Variants in EIF4E2 observed in about 807,000 individuals in gnomAD.
The protein encoded by EIF4E2 is eukaryotic translation initiation factor 4E type 2.
Under a neutral mutation model 34.2 loss-of-function variants are expected in EIF4E2, and 13 were observed. That is an observed-to-expected ratio of 0.38 (90% confidence interval 0.25 to 0.60). The LOEUF is 0.60. Ranked by LOEUF, EIF4E2 falls within the 20% of genes least tolerant of loss-of-function variation. The probability of loss-of-function intolerance (pLI) is 0.62; values close to 1 mark genes in which losing one functional copy is unlikely to be tolerated. For missense variants in EIF4E2, 222 were observed against 315.1 expected (o/e 0.70, Z 2.24); for synonymous variants, 100 against 106.6 (o/e 0.94, Z 0.38).
chr2:232,571,794 G>GT, downstream of EIF4E2, among the ~76,000 whole-genome samples: 1 of 152,326 alleles, frequency 6.6e-6, no homozygotes, highest in Middle Eastern at 3.4e-3. Flanking sequence ...GTAGCACCAG[G>GT]TTACCCCAGC....
Position 232,581,195 on chromosome 2 carries a change from G to A in EIF4E2, c.*252G>A, listed in dbSNP as rs1379351452. On this transcript the variant is annotated 3_prime_UTR_variant, in exon 7 of 7. Coordinates refer to the EIF4E2 transcript ENST00000409098. This position sits in a 1 kb window ranked among gnomAD's most constrained non-coding sequence, Gnocchi z 5.2. ...GTTTTTTAATGGGGTTCCATGGGGGGGCGTTCAGCCTTTCTGTTTGCTGTG... is the reference window on the plus strand; with the variant it reads ...GTTTTTTAATGGGGTTCCATGGGGGAGCGTTCAGCCTTTCTGTTTGCTGTG... The A allele has an allele frequency of 1.6e-6, 1 of 606,476 alleles. No homozygotes were observed. The highest frequency in any genetic ancestry group is 3.1e-6 in the Non-Finnish European group (1 of 323,656). The allele number at this position is 606,476 out of a possible 1,614,324, so 37.6% of individuals were successfully genotyped here. A position where few individuals can be genotyped will look rare whatever the true frequency, so the allele number is the denominator to read the frequency against.
In EIF4E2 at chr2:232,566,994, T is replaced by C. The variant is rs150117019; in HGVS notation, c.528+13T>C. ...TGTCCGCTTTCAGGTAAGCCACCCATGAGCCAGGCTGGTTTCTTGTGTTGC... is the reference window on the plus strand; with the variant it reads ...TGTCCGCTTTCAGGTAAGCCACCCACGAGCCAGGCTGGTTTCTTGTGTTGC... On this transcript the variant is annotated intron_variant, in intron 5 of 6. Transcript: ENST00000258416. This position sits in a 1 kb window ranked among gnomAD's most constrained non-coding sequence, Gnocchi z 4.9. The C allele has an allele frequency of 5.2e-4, 834 of 1,588,840 alleles. 7 individuals are homozygous for C. In the African/African-American group the frequency reaches 9.9e-3, roughly 19 times the overall value.
chr2:232,563,953 G>A (rs540961512), intron 3 of EIF4E2, among the ~76,000 whole-genome samples: 19 of 152,310 alleles, frequency 1.2e-4, no homozygotes, highest in African/African-American at 4.3e-4. Flanking sequence ...GGGAGAGTGC[G>A]TATTAACATG....
At chr2:232,556,338 C>G (rs929338471) in intron 1 of EIF4E2, 78 bp from the exon 2 acceptor site, 2 of 1,173,152 alleles carry the variant, frequency 1.7e-6, no homozygotes, top group Non-Finnish European at 2.5e-6. Context: ...CATAGTAGTT[C>G]GTATGACCTG....
At chr2:232,571,606 C>T (rs1383545284), downstream of EIF4E2, among the ~76,000 whole-genome samples, 1 of 152,154 alleles carries the variant, frequency 6.6e-6, no homozygotes, top group Non-Finnish European at 1.5e-5. Context: ...AAAGACTGGC[C>T]CGGCTTCTCT....
chr2:232,572,978 C>T (rs1269791825), downstream of EIF4E2, among the ~76,000 whole-genome samples: 1 of 152,208 alleles, frequency 6.6e-6, no homozygotes, highest in Non-Finnish European at 1.5e-5. Flanking sequence ...ATTGCCAAAG[C>T]ATTGGATTTT....
chr2:232,580,081 A>G (rs1038800938), intron 6 of EIF4E2, among the ~76,000 whole-genome samples: 1 of 121,956 alleles, frequency 8.2e-6, no homozygotes, highest in Non-Finnish European at 1.7e-5. Flanking sequence ...CCCCACATAC[A>G]TACCACACAC....
intron 6 of EIF4E2, among the ~76,000 whole-genome samples, chr2:232,577,665 C>T (rs1022564131): frequency 1.3e-5 from 2 of 152,224 alleles, no homozygotes; most frequent in African/African-American, 2.4e-5. Context: ...GGAAGCCAGT[C>T]TGAATGGGGC....
chr2:232,579,632 A>T (rs987069213), intron 6 of EIF4E2, among the ~76,000 whole-genome samples: 1 of 152,180 alleles, frequency 6.6e-6, no homozygotes, highest in African/African-American at 2.4e-5. Flanking sequence ...TCCTTAGCAC[A>T]TATTTACTCT....
At chr2:232,551,154 G>A (rs1230511081) in intron 1 of EIF4E2, 2 of 529,070 alleles carry the variant, frequency 3.8e-6, no homozygotes, top group Admixed American at 4.5e-5. Context: ...CTGAGCCTCA[G>A]TTTTCTCATC....
chr2:232,569,584 A>G (rs533358969), downstream of EIF4E2, among the ~76,000 whole-genome samples: 53 of 152,288 alleles, frequency 3.5e-4, 1 homozygote, highest in South Asian at 8.9e-3. Flanking sequence ...CCTTTACTTC[A>G]AAGAAATCTC....
Position 232,556,441 on chromosome 2 carries a change from C to A in EIF4E2, c.46C>A (p.His16Asn), listed in dbSNP as rs1484283179. 1 of 1,613,566 alleles carries A rather than the reference C, an allele frequency of 6.2e-7. No individual in the cohort carries two copies. The highest frequency in any genetic ancestry group is 1.3e-5 in the African/African-American group (1 of 74,858). The change falls in exon 2 of 7, where the codon CAT (histidine) becomes AAT (asparagine). Residue 16 changes from histidine (H) to asparagine (N), a missense_variant. His to Asn is a moderately conservative substitution (Grantham distance 68). This residue lies in a region of EIF4E2 where 87 missense variants were observed against 93.6 expected (regional missense o/e 0.93). Coordinates refer to ENST00000258416, the MANE Select transcript of EIF4E2 (RefSeq NM_004846.4). ...TTTGAAAGATGATGACAGTGGGGACCATGATCAGAATGAAGAAAACAGCAC... is the reference window on the plus strand; with the variant it reads ...TTTGAAAGATGATGACAGTGGGGACAATGATCAGAATGAAGAAAACAGCAC... ...DALKDDDSGD[H>N]DQNEENSTQK...
intron 6 of EIF4E2, among the ~76,000 whole-genome samples, chr2:232,576,406 G>A (rs892489737): frequency 6.6e-6 from 1 of 152,088 alleles, no homozygotes; most frequent in African/African-American, 2.4e-5. Flanking sequence ...ACCCCTCTTG[G>A]CAGATTTAAT....
chr2:232,551,103 T>G, intron 1 of EIF4E2: 1 of 602,774 alleles, frequency 1.7e-6, no homozygotes, highest in Non-Finnish European at 3.2e-6. Flanking sequence ...CTGGCAGCGC[T>G]GCCTCTGAAT....
chr2:232,576,325 T>C (rs976282158), intron 6 of EIF4E2, among the ~76,000 whole-genome samples: 2 of 152,226 alleles, frequency 1.3e-5, no homozygotes, highest in African/African-American at 4.8e-5. Flanking sequence ...TGATGGCATC[T>C]GAGGTTCAGT....
In EIF4E2 at chr2:232,562,730, C is replaced by T. The variant is rs760047168; in HGVS notation, c.271-1517C>T. Among the ~76,000 whole-genome samples the T allele has an allele frequency of 1.5e-4, 23 of 152,346 alleles. No individual in the cohort carries two copies. In the South Asian group the frequency reaches 2.1e-3, roughly 14 times the overall value. ...CAAGCCCCTTTCAGTTCCTTATTCA[C>T]AATGAGCCACTAGTGGGTGTACTTG... is the stretch of plus-strand genomic sequence containing the variant. On this transcript the variant is annotated intron_variant, in intron 3 of 6. Transcript: ENST00000258416.
At chr2:232,582,721 G>A (rs571394110) in exon 7 of EIF4E2, 12 of 152,330 alleles carry the variant, frequency 7.9e-5, no homozygotes, top group African/African-American at 2.6e-4. Flanking sequence ...GTGTGTGTGG[G>A]AAAGTCAGTG....
intron 6 of EIF4E2, chr2:232,567,749 G>C: frequency 1.0e-6 from 1 of 988,436 alleles, no homozygotes; most frequent in African/African-American, 1.7e-5. Flanking sequence ...AAGCATGAAG[G>C]CCACAGGGAA....
In EIF4E2 at chr2:232,566,203, T is replaced by C. The variant is rs1232637407; in HGVS notation, c.376-626T>C. Among the ~76,000 whole-genome samples the C allele has an allele frequency of 6.6e-6, 1 of 152,200 alleles. No homozygotes were observed. Among genetic ancestry groups the C allele is most frequent in the Non-Finnish European group, 1.5e-5 (1 of 68,040 alleles). On this transcript the variant is annotated intron_variant, in intron 4 of 6. Transcript: ENST00000258416. The surrounding 1 kb of genome is among the most constrained non-coding windows in gnomAD (Gnocchi z 4.9). Reference sequence around the variant, plus strand: ...TTGTTGTTTTGTTTTGTTTTGTTTTTTGAGACGGAGTCTTGCTGTGTTTCC... The same window carrying C: ...TTGTTGTTTTGTTTTGTTTTGTTTTCTGAGACGGAGTCTTGCTGTGTTTCC...
Sources: allele counts gnomAD v4.1 joint callset (sites outside exome capture counted in the v4.1 genomes callset), GRCh38; gene constraint gnomAD v4.1.1; regional missense constraint gnomAD v4.1.1; non-coding constraint Gnocchi (gnomAD v3.1); transcripts MANE v1.5; gene names NCBI Gene and HGNC (gene_info 2026-07-23, HGNC 2026-07-21).